Variants in PRKN observed in about 807,000 individuals in gnomAD.
PRKN encodes the protein E3 ubiquitin-protein ligase parkin.
A neutral mutation model predicts 59.5 loss-of-function variants in PRKN; 56 were observed. The observed-to-expected ratio is 0.94, with a 90% CI of 0.76 to 1.18. The LOEUF is 1.18. PRKN is among the 50% of genes most tolerant of loss of function. The probability of loss-of-function intolerance (pLI) is 0.00; values close to 1 mark genes in which losing one functional copy is unlikely to be tolerated. For missense variants in PRKN, 657 were observed against 596.4 expected, an observed-to-expected ratio of 1.10 and a Z score of -1.06; for synonymous variants, 250 against 222.1, an observed-to-expected ratio of 1.13 and a Z score of -1.12.
chr6:162,539,484 T>A (rs1355084182), intron 1 of PRKN, among the ~76,000 whole-genome samples: 1 of 152,194 alleles, frequency 6.6e-6, no homozygotes, highest in African/African-American at 2.4e-5. Context: ...CTTCTTTGTC[T>A]ACAGGAAAAA....
intron 2 of PRKN, among the ~76,000 whole-genome samples, chr6:162,362,598 C>G (rs1785200901): frequency 6.6e-6 from 1 of 151,918 alleles, no homozygotes; most frequent in African/African-American, 2.4e-5. Flanking sequence ...TTTAGGATAG[C>G]AGAAAATTCT....
intron 7 of PRKN, among the ~76,000 whole-genome samples, chr6:161,632,787 G>A (rs985208067): frequency 2.0e-5 from 3 of 152,186 alleles, no homozygotes; most frequent in African/African-American, 7.2e-5. Context: ...GCAAGGAGAA[G>A]TACAGAGCAA....
At chr6:161,823,767 C>T (rs1228314040) in intron 6 of PRKN, among the ~76,000 whole-genome samples, 1 of 152,178 alleles carries the variant, frequency 6.6e-6, no homozygotes, top group Non-Finnish European at 1.5e-5. Context: ...GAAGGTTTTT[C>T]TGCGAACTGC....
chr6:162,292,970 C>T (rs1430999299), intron 2 of PRKN, among the ~76,000 whole-genome samples: 1 of 152,036 alleles, frequency 6.6e-6, no homozygotes, highest in Non-Finnish European at 1.5e-5. Context: ...CCAAGGGGTG[C>T]AGTAAATACC....
rs558920538 is a variant in PRKN at position 161,750,540 on chromosome 6, G to T, written c.871+35232C>A. Among the ~76,000 whole-genome samples, 15 of 152,124 alleles carry T rather than the reference G, an allele frequency of 9.9e-5. 1 individual carries two copies. The highest frequency in any genetic ancestry group is 6.5e-4 in the Admixed American group (10 of 15,276). On this transcript the variant is annotated intron_variant, in intron 7 of 11. Coordinates refer to ENST00000366898, the MANE Select transcript of PRKN (RefSeq NM_004562.3). ...CCCAGCACTTGGGGAGGCCGAGGCG[G>T]GTGGATCACTTGAGATCAGGAGGTT...
intron 9 of PRKN, among the ~76,000 whole-genome samples, chr6:161,486,077 C>T (rs1791630228): frequency 6.6e-6 from 1 of 152,000 alleles, no homozygotes; most frequent in Non-Finnish European, 1.5e-5. Context: ...AACAGATAAA[C>T]TATTTATTTT....
chr6:162,705,968 A>C (rs1229289016), intron 1 of PRKN, among the ~76,000 whole-genome samples: 3 of 152,138 alleles, frequency 2.0e-5, no homozygotes, highest in Admixed American at 2.0e-4. Flanking sequence ...GGCAGCAGAA[A>C]CACGGCTTTC....
intron 9 of PRKN, among the ~76,000 whole-genome samples, chr6:161,465,827 T>A (rs1282145763): frequency 6.6e-6 from 1 of 152,220 alleles, no homozygotes; most frequent in Non-Finnish European, 1.5e-5. Context: ...TCTTTCTTTT[T>A]CTTCTTGGAT....
intron 2 of PRKN, among the ~76,000 whole-genome samples, chr6:162,281,460 T>C (rs941045479): frequency 2.0e-5 from 3 of 151,990 alleles, no homozygotes; most frequent in Non-Finnish European, 4.4e-5. Context: ...TACTACAAAA[T>C]TTTTAGGATG....
chr6:162,460,648 T>A (rs1159833117), intron 1 of PRKN, among the ~76,000 whole-genome samples: 3 of 152,226 alleles, frequency 2.0e-5, no homozygotes, highest in Non-Finnish European at 2.9e-5. Flanking sequence ...ACTTTTGGGA[T>A]AAGCGGATGA....
At chr6:161,602,870 A>G (rs1677861286) in intron 7 of PRKN, among the ~76,000 whole-genome samples, 1 of 152,238 alleles carries the variant, frequency 6.6e-6, no homozygotes, top group Admixed American at 6.5e-5. Flanking sequence ...GCCCTCAAAG[A>G]GCCCACAGCT....
chr6:161,519,775 A>G (rs1778751689), intron 9 of PRKN, among the ~76,000 whole-genome samples: 1 of 152,204 alleles, frequency 6.6e-6, no homozygotes, highest in South Asian at 2.1e-4. Context: ...TTGACGATGC[A>G]ATTCTTAGAG....
intron 1 of PRKN, among the ~76,000 whole-genome samples, chr6:162,499,869 T>C (rs1243275875): frequency 5.9e-5 from 9 of 152,186 alleles, no homozygotes; most frequent in South Asian, 4.1e-4. Flanking sequence ...GAGTGTCAAA[T>C]ATATCATCTT....
At position 161,355,455 on chromosome 6, in the gene PRKN, G is replaced by A. The variant is rs947930426; in HGVS notation, c.1285+4633C>T. On this transcript the variant is annotated intron_variant, in intron 11 of 11. Transcript: ENST00000366898. The surrounding 1 kb of genome is among the most constrained non-coding windows in gnomAD (Gnocchi z 6.8). ...CTCACTGTGTCACCCAGGCCGAAGT[G>A]CAATGGTGCAATCTTGGCTCACTGC... Among the ~76,000 whole-genome samples the A allele has an allele frequency of 1.3e-5, 2 of 152,208 alleles. No homozygotes were observed. Among genetic ancestry groups the A allele is most frequent in the East Asian group, 1.9e-4 (1 of 5,188 alleles).
intron 7 of PRKN, among the ~76,000 whole-genome samples, chr6:161,629,534 C>T (rs577602012): frequency 6.6e-6 from 1 of 152,242 alleles, no homozygotes; most frequent in East Asian, 1.9e-4. Context: ...CTACTTGACC[C>T]GTGAAGTCAG....
At chr6:161,748,778 C>G (rs1000483164) in intron 7 of PRKN, among the ~76,000 whole-genome samples, 4 of 152,146 alleles carry the variant, frequency 2.6e-5, no homozygotes, top group African/African-American at 9.7e-5. Context: ...GGGTTCCAAA[C>G]CTCTAAGAGA....
intron 6 of PRKN, among the ~76,000 whole-genome samples, chr6:161,836,850 G>A (rs550048200): frequency 3.3e-5 from 5 of 152,286 alleles, no homozygotes; most frequent in South Asian, 4.1e-4. Flanking sequence ...AGCACAAGCC[G>A]TAAAATGACG....
chr6:161,894,618 T>C (rs528028897), intron 6 of PRKN, among the ~76,000 whole-genome samples: 1 of 152,316 alleles, frequency 6.6e-6, no homozygotes, highest in Admixed American at 6.5e-5. Context: ...TGGAATATGC[T>C]CCTTGCGATA....
Position 161,463,523 on chromosome 6 carries a change from A to C in PRKN, c.1084-76646T>G, listed in dbSNP as rs1361962297. Among the ~76,000 whole-genome samples the C allele has an allele frequency of 6.6e-6, 1 of 152,168 alleles. No individual in the cohort carries two copies. The highest frequency in any genetic ancestry group is 2.4e-5 in the African/African-American group (1 of 41,430). On this transcript the variant is annotated intron_variant, in intron 9 of 11. Transcript: ENST00000366898. This position sits in a 1 kb window ranked among gnomAD's most constrained non-coding sequence, Gnocchi z 4.8. Reference sequence around the variant, plus strand: ...GGCATCAACTACCAAGGTTGGAGGGATCTTTACATCAACCTACACTATACC... The same window carrying C: ...GGCATCAACTACCAAGGTTGGAGGGCTCTTTACATCAACCTACACTATACC...
Sources: gnomAD v4.1 joint callset for allele counts (sites outside exome capture counted in the v4.1 genomes callset) on GRCh38, gnomAD v4.1.1 for gene constraint, Gnocchi (gnomAD v3.1) non-coding constraint, MANE v1.5 for transcripts, NCBI Gene and HGNC (gene_info 2026-07-23, HGNC 2026-07-21) for gene names.